Variants in RYK observed in about 807,000 individuals in gnomAD.
RYK encodes inactive tyrosine-protein kinase RYK.
A neutral mutation model predicts 70.2 loss-of-function variants in RYK; 21 were observed. The observed-to-expected ratio is 0.30, with a 90% CI of 0.21 to 0.43. The LOEUF (loss-of-function observed/expected upper bound fraction) is 0.43. RYK is among the 20% of genes least tolerant of loss of function. The probability of loss-of-function intolerance (pLI) is 1.00; values close to 1 mark genes in which losing one functional copy is unlikely to be tolerated. For synonymous variants in RYK, 267 were observed against 278.0 expected (o/e 0.96, Z 0.39); for missense variants, 604 against 753.3 (o/e 0.80, Z 2.32).
At chr3:134,248,960 G>A (rs145911939) in intron 1 of RYK, among the ~76,000 whole-genome samples, 25 of 152,108 alleles carry the variant, frequency 1.6e-4, no homozygotes, top group African/African-American at 5.8e-4. Flanking sequence ...GGAATTCAAT[G>A]TCAGTCCCTG....
At chr3:134,234,217 C>T (rs561714190) in intron 1 of RYK, among the ~76,000 whole-genome samples, 119 of 152,074 alleles carry the variant, frequency 7.8e-4, no homozygotes, top group African/African-American at 2.7e-3. Flanking sequence ...TCTAAAATAA[C>T]CCATGAAGGT....
chr3:134,206,137 T>C (rs983516210), intron 5 of RYK, among the ~76,000 whole-genome samples: 3 of 152,180 alleles, frequency 2.0e-5, no homozygotes, highest in African/African-American at 2.4e-5. Flanking sequence ...TTCCAGCAAG[T>C]AGACGATATG....
intron 2 of RYK, among the ~76,000 whole-genome samples, chr3:134,216,390 T>G (rs1048985180): frequency 3.3e-5 from 5 of 152,142 alleles, no homozygotes; most frequent in Admixed American, 1.3e-4. Context: ...CTGCAACTCC[T>G]AGAAAATGAT....
chr3:134,239,708 T>C (rs1005626730), intron 1 of RYK, among the ~76,000 whole-genome samples: 1 of 152,214 alleles, frequency 6.6e-6, no homozygotes, highest in East Asian at 1.9e-4. Flanking sequence ...GATACTGTTT[T>C]AGGTGCTAAA....
intron 13 of RYK, among the ~76,000 whole-genome samples, chr3:134,164,055 C>T (rs768904308): frequency 2.0e-5 from 3 of 152,092 alleles, no homozygotes; most frequent in Non-Finnish European, 4.4e-5. Flanking sequence ...AGGCTGGTCT[C>T]GAACTCCTGG....
chr3:134,248,556 C>T (rs1306472955), intron 1 of RYK, among the ~76,000 whole-genome samples: 1 of 152,210 alleles, frequency 6.6e-6, no homozygotes, highest in African/African-American at 2.4e-5. Context: ...CGGTGGCTCA[C>T]ACCTGTAATC....
At chr3:134,168,244 C>T (rs1435759108) in intron 13 of RYK, among the ~76,000 whole-genome samples, 3 of 152,138 alleles carry the variant, frequency 2.0e-5, no homozygotes, top group Non-Finnish European at 4.4e-5. Flanking sequence ...CTAGAAATAC[C>T]ATTTGACCCA....
intron 4 of RYK, among the ~76,000 whole-genome samples, chr3:134,208,235 C>G (rs1249210263): frequency 6.6e-6 from 1 of 152,184 alleles, no homozygotes; most frequent in Non-Finnish European, 1.5e-5. Context: ...GATATTAGCA[C>G]TGGTGGGATC....
At chr3:134,168,688 G>A (rs1226492997) in intron 13 of RYK, among the ~76,000 whole-genome samples, 1 of 151,920 alleles carries the variant, frequency 6.6e-6, no homozygotes, top group Non-Finnish European at 1.5e-5. Context: ...GTTAATGGGT[G>A]CAGCACACCA....
chr3:134,177,279 A>G (rs866240471), intron 11 of RYK, among the ~76,000 whole-genome samples: 3 of 152,154 alleles, frequency 2.0e-5, no homozygotes, highest in Non-Finnish European at 4.4e-5. Context: ...ATTAGGCCAA[A>G]TACTGAATGC....
At chr3:134,163,488 C>A (rs889394271) in intron 13 of RYK, among the ~76,000 whole-genome samples, 1 of 152,160 alleles carries the variant, frequency 6.6e-6, no homozygotes, top group African/African-American at 2.4e-5. Context: ...TTCTATTCAT[C>A]TTATTCCTCT....
chr3:134,228,198 G>C (rs1293935569), intron 1 of RYK, among the ~76,000 whole-genome samples: 1 of 152,150 alleles, frequency 6.6e-6, no homozygotes, highest in East Asian at 1.9e-4. Flanking sequence ...GGCTGAGATG[G>C]GAGGCTGGCT....
At chr3:134,243,208 C>T (rs2015371020) in intron 1 of RYK, among the ~76,000 whole-genome samples, 1 of 152,156 alleles carries the variant, frequency 6.6e-6, no homozygotes, top group Admixed American at 6.5e-5. Flanking sequence ...GGTTCAGTTG[C>T]CCAAATCTGA....
intron 12 of RYK, 48 bp downstream of exon 12, chr3:134,175,882 C>T: frequency 1.3e-6 from 2 of 1,551,606 alleles, no homozygotes; most frequent in Non-Finnish European, 1.8e-6. Context: ...ACCCCAAATC[C>T]AGGAAGCACT....
chr3:134,214,930 C>G (rs2014507285), intron 2 of RYK, among the ~76,000 whole-genome samples: 1 of 152,218 alleles, frequency 6.6e-6, no homozygotes, highest in African/African-American at 2.4e-5. Context: ...TCCTAGTACA[C>G]TAGGGTTCTA....
intron 13 of RYK, among the ~76,000 whole-genome samples, chr3:134,169,602 C>T (rs1295707861): frequency 2.6e-5 from 4 of 152,272 alleles, no homozygotes; most frequent in African/African-American, 9.6e-5. Context: ...TCTGGACATA[C>T]TGAAATATTG....
rs919512348 is a variant in RYK, at chr3:134,157,351, A to C, written c.*802T>G. ...TGAGTTCACTTTCTGGAATTGTATTATCTCCTTTTCCAGAGAGTAAAAATA... is the reference window on the plus strand; with the variant it reads ...TGAGTTCACTTTCTGGAATTGTATTCTCTCCTTTTCCAGAGAGTAAAAATA... On this transcript the variant is annotated 3_prime_UTR_variant, in exon 15 of 15. Transcript: ENST00000623711. 6.6e-6 allele frequency: 1 copy of C among 152,310 alleles called. No individual in the cohort carries two copies. Among genetic ancestry groups the C allele is most frequent in the Non-Finnish European group, 1.5e-5 (1 of 68,046 alleles). The allele number at this position is 152,310 out of a possible 1,614,324, so 9.4% of individuals were successfully genotyped here.
At chr3:134,189,469 T>C (rs953024698) in intron 8 of RYK, among the ~76,000 whole-genome samples, 8 of 151,926 alleles carry the variant, frequency 5.3e-5, no homozygotes, top group African/African-American at 1.9e-4. Context: ...TAAAAACTCT[T>C]AGAGTGAGAA....
chr3:134,211,481 A>C, intron 3 of RYK, 27 bp downstream of exon 3: 1 of 1,534,006 alleles, frequency 6.5e-7, no homozygotes, highest in Non-Finnish European at 9.0e-7. Context: ...AAGTATGTTA[A>C]CTCTGTCTTT....
Sources: allele counts gnomAD v4.1 joint callset (sites outside exome capture counted in the v4.1 genomes callset), GRCh38; gene constraint gnomAD v4.1.1; transcripts MANE v1.5; gene names NCBI Gene and HGNC (gene_info 2026-07-23, HGNC 2026-07-21).